PPFIBP2: variants seen among roughly 807,000 people sequenced by gnomAD.
PPFIBP2 encodes the protein PPFIB scaffold protein 2.
In PPFIBP2, 118 loss-of-function variants were observed where a neutral mutation model predicts 118.3. The ratio of observed to expected loss-of-function variants is 1.00; its 90% CI spans 0.86 to 1.16. The LOEUF is 1.16. Ranked by LOEUF, PPFIBP2 falls within the 50% of genes most tolerant of loss-of-function variation. The pLI, the probability that PPFIBP2 is intolerant of heterozygous loss-of-function variation, is 0.00. For missense variants in PPFIBP2, 1,195 were observed against 1,073.1 expected, an observed-to-expected ratio of 1.11 and a Z score of -1.59; for synonymous variants, 414 against 397.4, an observed-to-expected ratio of 1.04 and a Z score of -0.50.
At chr11:7,597,277 C>T (rs1426331431) in intron 4 of PPFIBP2, 1 of 1,535,486 alleles carries the variant, frequency 6.5e-7, no homozygotes, top group South Asian at 1.2e-5. Flanking sequence ...AGCCCAGAGG[C>T]AGCTCCTGTG....
chr11:7,660,976 G>A (rs1250542087), downstream of PPFIBP2, among the ~76,000 whole-genome samples: 6 of 151,844 alleles, frequency 4.0e-5, no homozygotes, highest in African/African-American at 9.7e-5. Context: ...TTGTATTTCT[G>A]TGGGATCGGT....
intron 7 of PPFIBP2, among the ~76,000 whole-genome samples, chr11:7,621,406 A>C (rs187097182): frequency 1.3e-5 from 2 of 152,320 alleles, no homozygotes; most frequent in East Asian, 3.9e-4. Flanking sequence ...CCCTTCTAGA[A>C]TCAGTTTTTC....
chr11:7,556,254 G>C (rs940400519), intron 2 of PPFIBP2, among the ~76,000 whole-genome samples: 1 of 152,132 alleles, frequency 6.6e-6, no homozygotes, highest in Non-Finnish European at 1.5e-5. Flanking sequence ...AGGAGATTGA[G>C]ACCATCCTGG....
chr11:7,636,820 T>C (rs923286160), intron 14 of PPFIBP2, among the ~76,000 whole-genome samples: 2 of 152,218 alleles, frequency 1.3e-5, no homozygotes, highest in African/African-American at 4.8e-5. Context: ...TTATTCAACA[T>C]GACCACCCTC....
intron 6 of PPFIBP2, chr11:7,617,283 G>T (rs952502959): frequency 2.0e-6 from 2 of 985,330 alleles, no homozygotes; most frequent in African/African-American, 3.5e-5. Context: ...TGCCTGTTGG[G>T]AGGGGTCACC....
chr11:7,649,268 C>T (rs375097469), intron 20 of PPFIBP2, 33 bp downstream of exon 20: 2 of 1,568,578 alleles, frequency 1.3e-6, no homozygotes, highest in Non-Finnish European at 1.8e-6. Context: ...TTTCAGTTGT[C>T]CCTGTGAGCA....
At chr11:7,648,348 C>G in intron 17 of PPFIBP2, 39 bp from the exon 18 acceptor site, 1 of 1,576,974 alleles carries the variant, frequency 6.3e-7, no homozygotes. Flanking sequence ...ACCTCAGGCT[C>G]TCCCACTAAC....
At chr11:7,517,384 G>T (rs183392483) in intron 1 of PPFIBP2, among the ~76,000 whole-genome samples, 1 of 152,116 alleles carries the variant, frequency 6.6e-6, no homozygotes, top group Non-Finnish European at 1.5e-5. Context: ...CCCTAACAGC[G>T]GGGTTAACTA....
chr11:7,518,081 G>A (rs1320469972), intron 1 of PPFIBP2, among the ~76,000 whole-genome samples: 1 of 152,238 alleles, frequency 6.6e-6, no homozygotes, highest in African/African-American at 2.4e-5. Context: ...GGCCTGCAGG[G>A]CCCCTGATGG....
chr11:7,657,440 C>T (rs1854775674), downstream of PPFIBP2, among the ~76,000 whole-genome samples: 4 of 151,570 alleles, frequency 2.6e-5, no homozygotes, highest in Non-Finnish European at 4.4e-5. Flanking sequence ...GTCCCCAACA[C>T]GTGCACACCC....
chr11:7,525,607 C>A lies in PPFIBP2; in HGVS notation c.-37+11486C>A, dbSNP rs774364356. Reference sequence around the variant, plus strand: ...CCGGAATCAGGTGGCTGGTCACCCACGTACAGGACAAAAGCAGCAAACAGC... The same window carrying A: ...CCGGAATCAGGTGGCTGGTCACCCAAGTACAGGACAAAAGCAGCAAACAGC... On this transcript the variant is annotated intron_variant, in intron 1 of 23. Transcript: ENST00000299492. 4.1e-4 allele frequency among the ~76,000 whole-genome samples: 63 copies of A among 152,208 alleles called. 1 individual carries two copies. Among genetic ancestry groups the A allele is most frequent in the Non-Finnish European group, 7.3e-5 (5 of 68,040 alleles).
intron 5 of PPFIBP2, among the ~76,000 whole-genome samples, chr11:7,608,332 G>C (rs927206248): frequency 1.3e-5 from 2 of 152,158 alleles, no homozygotes; most frequent in African/African-American, 4.8e-5. Flanking sequence ...GAGTCAAACA[G>C]ACTTTTGTTT....
In PPFIBP2 at chr11:7,561,517, ATCTTC is replaced by A. The variant is rs200189530; in HGVS notation, c.65-4031_65-4027del. On this transcript the variant is annotated intron_variant, in intron 2 of 23. Transcript: ENST00000299492. ...TCTTCCTCTCACTCAGTTTTGACCT[ATCTTC>A]TCTTTGTATTTCTAGTTCAGTTTTT... Among the ~76,000 whole-genome samples, 1,293 of 152,256 alleles carry A rather than the reference ATCTTC, an allele frequency of 8.5e-3. 26 individuals carry two copies. The highest frequency in any genetic ancestry group is 0.029 in the African/African-American group (1,225 of 41,542).
At chr11:7,649,324 T>A in intron 20 of PPFIBP2, 89 bp downstream of exon 20, 1 of 1,345,684 alleles carries the variant, frequency 7.4e-7, no homozygotes, top group Non-Finnish European at 1.0e-6. Context: ...CTTGATTCCA[T>A]ATATTCTTAA....
At chr11:7,585,086 A>G (rs980538001) in intron 3 of PPFIBP2, among the ~76,000 whole-genome samples, 3 of 152,240 alleles carry the variant, frequency 2.0e-5, no homozygotes, top group Admixed American at 6.5e-5. Flanking sequence ...GCGTATTTAC[A>G]GGCAAAGAGC....
intron 16 of PPFIBP2, 64 bp downstream of exon 16, chr11:7,641,684 G>A: frequency 6.6e-7 from 1 of 1,508,684 alleles, no homozygotes; most frequent in Non-Finnish European, 9.1e-7. Context: ...TGGGCAAAGA[G>A]TCTATGTAAG....
rs771301525 is a variant in PPFIBP2, at chr11:7,565,651, G to A, written c.163G>A (p.Glu55Lys). The change falls in exon 3 of 24, where the codon GAG becomes AAG. Residue 55 changes from glutamate to lysine, a missense_variant. Physicochemically the swap from Glu to Lys is moderately conservative, Grantham distance 56. Transcript: ENST00000299492. ...CCCCTTCCCGGTGCTCCATCTCATC[G>A]AGGACTTGAGGCTGGCCTTGGAGAT... The part of the protein sequence containing the change: ...MNPFPVLHLI[E>K]DLRLALEMLE... 3.2e-5 allele frequency: 52 copies of A among 1,614,118 alleles called. No homozygotes were observed. Among genetic ancestry groups the A allele is most frequent in the Non-Finnish European group, 4.2e-5 (49 of 1,180,008 alleles).
At chr11:7,529,287 A>T (rs1465431391) in intron 1 of PPFIBP2, among the ~76,000 whole-genome samples, 1 of 152,214 alleles carries the variant, frequency 6.6e-6, no homozygotes, top group Non-Finnish European at 1.5e-5. Context: ...AGAATTTTAG[A>T]TAAGCCAAGT....
At position 7,649,194 on chromosome 11, in the gene PPFIBP2, G is replaced by C; in HGVS notation, c.1957G>C (p.Glu653Gln). The C allele has an allele frequency of 2.5e-6, 4 of 1,614,122 alleles. No individual in the cohort carries two copies. Among genetic ancestry groups the C allele is most frequent in the Non-Finnish European group, 3.4e-6 (4 of 1,179,998 alleles). ...GLPQYKDQFH[E>Q]SRVDRRMLQY... Reference sequence around the variant, plus strand: ...ACCCCAGTACAAAGACCAGTTTCATGAATCTAGAGTTGACAGACGAATGCT... The same window carrying C: ...ACCCCAGTACAAAGACCAGTTTCATCAATCTAGAGTTGACAGACGAATGCT... The change falls in exon 20 of 24, where the codon GAA (glutamate) becomes CAA (glutamine). Residue 653 changes from glutamate to glutamine, a missense_variant. Transcript: ENST00000299492.
Sources: allele counts gnomAD v4.1 joint callset (sites outside exome capture counted in the v4.1 genomes callset), GRCh38; gene constraint gnomAD v4.1.1; transcripts MANE v1.5; gene names NCBI Gene and HGNC (gene_info 2026-07-23, HGNC 2026-07-21).